KIF26A: variants seen among roughly 807,000 people sequenced by gnomAD.
The protein encoded by KIF26A is kinesin family member 26A, also known as kinesin-like protein KIF26A.
A neutral mutation model predicts 126.0 loss-of-function variants in KIF26A; 74 were observed. The observed-to-expected ratio is 0.59, with a 90% confidence interval of 0.49 to 0.71. The LOEUF is 0.71. Ranked by LOEUF, KIF26A falls within the 30% of genes least tolerant of loss-of-function variation. The pLI is 0.00. For missense variants in KIF26A, 2,984 were observed against 2,763.3 expected (o/e 1.08, Z -1.79); for synonymous variants, 1,445 against 1,232.7 (o/e 1.17, Z -3.61).
rs868850704 is a variant in KIF26A at position 104,148,654 on chromosome 14, G to A, written c.289-3361G>A. On this transcript the variant is annotated intron_variant, in intron 2 of 14. Transcript: ENST00000423312. This position sits in a 1 kb window ranked among gnomAD's most constrained non-coding sequence, Gnocchi z 4.3. ...TTGTTGTTGGCGGTGGGGGCTGTGC[G>A]TGGCCGGGGAGGGGGAGGGGGAGGG... is the stretch of plus-strand genomic sequence containing the variant. Among the ~76,000 whole-genome samples the A allele has an allele frequency of 6.7e-6, 1 of 149,138 alleles. No homozygotes were observed. The highest frequency in any genetic ancestry group is 2.1e-4 in the South Asian group (1 of 4,656).
Position 104,139,063 on chromosome 14 carries a change from C to G in KIF26A, c.63C>G (p.Ala21=). Residue 21 remains alanine, a synonymous_variant, in exon 2 of 15, where the codon GCC becomes GCG. Coordinates refer to ENST00000423312, the MANE Select transcript of KIF26A (RefSeq NM_015656.2). ...AQPAVAEGGP[A]REPPPLLEVS... ...TGCAGGTGGCCGAGGGCGGCCCGGC[C>G]CGCGAGCCGCCGCCGCTGCTGGAGG... 2 of 1,381,032 alleles carry G rather than the reference C, an allele frequency of 1.4e-6. No homozygotes were observed. Among genetic ancestry groups the G allele is most frequent in the Non-Finnish European group, 1.9e-6 (2 of 1,074,734 alleles). 85.5% of individuals were successfully genotyped at this position (1,381,032 alleles called of 1,614,324 possible).
intron 5 of KIF26A, among the ~76,000 whole-genome samples, chr14:104,168,897 C>T (rs1015083117): frequency 9.3e-5 from 14 of 151,146 alleles, no homozygotes; most frequent in Non-Finnish European, 1.8e-4. Flanking sequence ...GGGACTAGGC[C>T]GGGGGTCACT....
intron 3 of KIF26A, among the ~76,000 whole-genome samples, chr14:104,154,854 G>GC (rs2037762093): frequency 6.6e-6 from 1 of 152,220 alleles, no homozygotes; most frequent in Non-Finnish European, 1.5e-5. Flanking sequence ...GCCCTGAGGA[G>GC]CGGGGGTGCC....
chr14:104,166,292 A>C (rs1423026496), intron 4 of KIF26A, among the ~76,000 whole-genome samples: 2 of 152,136 alleles, frequency 1.3e-5, no homozygotes, highest in Admixed American at 6.5e-5. Context: ...TAATCTCGAC[A>C]GCAGGATTAA....
intron 12 of KIF26A, 44 bp downstream of exon 12, chr14:104,177,942 T>C: frequency 6.9e-7 from 1 of 1,443,372 alleles, no homozygotes. Context: ...ACGGGCTTTC[T>C]GTGTGTAGAT....
intron 3 of KIF26A, 149 bp from the exon 4 acceptor site, chr14:104,157,606 G>C (rs2037791927): frequency 1.1e-6 from 1 of 886,506 alleles, no homozygotes. Context: ...GGCCTTCCCG[G>C]CTTCACAGGC....
rs562726392 is a variant in KIF26A, at chr14:104,177,222, C to T, written c.4434C>T (p.Pro1478=). The part of the protein sequence containing the change: ...PPSSPTHGPA[P]ACRSGAAKAV... ...CCAGCCCCACACACGGTCCAGCTCCCGCCTGTAGGAGCGGCGCAGCCAAGG... is the reference window on the plus strand; with the variant it reads ...CCAGCCCCACACACGGTCCAGCTCCTGCCTGTAGGAGCGGCGCAGCCAAGG... Residue 1478 remains proline (P), a synonymous_variant, in exon 12 of 15, where the codon CCC becomes CCT. Transcript: ENST00000423312. The T allele has an allele frequency of 8.0e-5, 127 of 1,596,502 alleles. No homozygotes were observed. The highest frequency in any genetic ancestry group is 5.2e-4 in the Admixed American group (31 of 59,612).
In KIF26A at chr14:104,152,201, C is replaced by A. The variant is rs2037735927; in HGVS notation, c.475C>A (p.Pro159Thr). The A allele has an allele frequency of 7.5e-6, 12 of 1,603,788 alleles. No homozygotes were observed. The East Asian group carries it at 2.5e-4, about 33-fold the overall frequency. Residue 159 changes from proline to threonine, a missense_variant, in exon 3 of 15, where the codon CCC becomes ACC. Transcript: ENST00000423312. The surrounding 1 kb of genome is among the most constrained non-coding windows in gnomAD (Gnocchi z 5.9). ...HEDLDAPHGG[P>T]SLAPPSTTTS... ...GGACCTTGACGCCCCCCATGGAGGC[C>A]CCAGCCTCGCACCCCCCAGCACCAC...
intron 2 of KIF26A, among the ~76,000 whole-genome samples, chr14:104,140,569 T>G (rs775427664): frequency 7.9e-5 from 12 of 152,144 alleles, no homozygotes; most frequent in Non-Finnish European, 1.6e-4. Context: ...TGCCTGGCCC[T>G]GGGGCCATGG....
intron 5 of KIF26A, among the ~76,000 whole-genome samples, chr14:104,170,061 T>C (rs982075709): frequency 6.6e-6 from 1 of 152,218 alleles, no homozygotes; most frequent in Non-Finnish European, 1.5e-5. Context: ...GAGCCCGCTC[T>C]GCGATTAATG....
chr14:104,176,266 T>C lies in KIF26A; in HGVS notation c.3478T>C (p.Phe1160Leu), dbSNP rs1419455696. ...DGSLGDGSSG[F>L]LGPDRPDSPG... ...TTCCCTGGGGGATGGAAGCTCTGGG[T>C]TCCTGGGGCCAGACAGACCTGACAG... is the stretch of plus-strand genomic sequence containing the variant. Residue 1160 changes from phenylalanine to leucine, a missense_variant, in exon 12 of 15, where the codon TTC (phenylalanine) becomes CTC (leucine). Coordinates refer to ENST00000423312, the MANE Select transcript of KIF26A (RefSeq NM_015656.2). 6.3e-7 allele frequency: 1 copy of C among 1,595,946 alleles called. No individual in the cohort carries two copies. The highest frequency in any genetic ancestry group is 1.7e-5 in the Admixed American group (1 of 58,170).
chr14:104,164,893 C>T (rs966464859), intron 4 of KIF26A, among the ~76,000 whole-genome samples: 2 of 144,448 alleles, frequency 1.4e-5, no homozygotes, highest in African/African-American at 5.0e-5. Context: ...GTATATGTGT[C>T]TCTGTGTCTT....
intron 5 of KIF26A, among the ~76,000 whole-genome samples, chr14:104,171,275 A>G (rs111313216): frequency 6.6e-6 from 1 of 151,866 alleles, no homozygotes; most frequent in African/African-American, 2.4e-5. Flanking sequence ...TGCGGCTCTC[A>G]CACCTCTGTG....
chr14:104,161,913 GC>G (rs2037836592), intron 4 of KIF26A, among the ~76,000 whole-genome samples: 1 of 152,174 alleles, frequency 6.6e-6, no homozygotes, highest in South Asian at 2.1e-4. Flanking sequence ...GAGGGCCGCC[GC>G]TCCCTGGCAG....
intron 4 of KIF26A, among the ~76,000 whole-genome samples, chr14:104,159,191 C>G (rs2037811087): frequency 6.6e-6 from 1 of 152,216 alleles, no homozygotes; most frequent in Non-Finnish European, 1.5e-5. Flanking sequence ...GCACGGCTGG[C>G]TGGGACCCTG....
At chr14:104,161,028 C>T (rs907853740) in intron 4 of KIF26A, among the ~76,000 whole-genome samples, 3 of 110,088 alleles carry the variant, frequency 2.7e-5, no homozygotes, top group Admixed American at 1.8e-4. Context: ...GGGGAGAGTG[C>T]GCTGCCCGAG....
intron 4 of KIF26A, among the ~76,000 whole-genome samples, chr14:104,159,645 AGGCGGTTCTCCCAAGGCGGG>A (rs1484114537): frequency 6.6e-6 from 1 of 152,196 alleles, no homozygotes; most frequent in African/African-American, 2.4e-5. Context: ...GGGGACCCAG[AGGCGGTTCTCCCAAGGCGGG>A]GGCGCTGCCG....
At chr14:104,140,049 C>CGCT (rs1459957264) in intron 2 of KIF26A, among the ~76,000 whole-genome samples, 2 of 152,184 alleles carry the variant, frequency 1.3e-5, no homozygotes, top group East Asian at 1.9e-4. Flanking sequence ...AGAGGAAGCC[C>CGCT]GCTGCCGGGC....
At chr14:104,173,273 G>C in intron 8 of KIF26A, 34 bp downstream of exon 8, 4 of 1,601,468 alleles carry the variant, frequency 2.5e-6, no homozygotes, top group Non-Finnish European at 3.4e-6. Context: ...TTGGGGGAGG[G>C]GGGCTGCACT....
Sources: allele counts gnomAD v4.1 joint callset (sites outside exome capture counted in the v4.1 genomes callset), GRCh38; gene constraint gnomAD v4.1.1; non-coding constraint Gnocchi (gnomAD v3.1); transcripts MANE v1.5; gene names NCBI Gene and HGNC (gene_info 2026-07-23, HGNC 2026-07-21).